Variants in RBFOX1 observed in about 807,000 individuals in gnomAD.
RBFOX1 encodes RNA binding protein fox-1 homolog 1.
Under a neutral mutation model 57.7 loss-of-function variants are expected in RBFOX1, and 8 were observed. The observed-to-expected ratio is 0.14, with a 90% CI of 0.08 to 0.25. The LOEUF is 0.25. RBFOX1 is among the 10% of genes least tolerant of loss of function. The pLI is 1.00. For synonymous variants in RBFOX1, 326 were observed against 222.4 expected (o/e 1.47, Z -4.15); for missense variants, 611 against 548.5 (o/e 1.11, Z -1.14).
At chr16:5,905,521 G>A (rs1010903209) in intron 4 of RBFOX1, among the ~76,000 whole-genome samples, 11 of 152,070 alleles carry the variant, frequency 7.2e-5, no homozygotes, top group Admixed American at 2.0e-4. Context: ...TGACCAGCTT[G>A]GAAAACATGT....
At chr16:7,188,878 T>A (rs186721465) in intron 4 of RBFOX1, among the ~76,000 whole-genome samples, 4 of 152,154 alleles carry the variant, frequency 2.6e-5, no homozygotes, top group African/African-American at 9.7e-5. Context: ...GAAAAAGGTT[T>A]AAGGAACAGA....
chr16:7,217,062 C>G (rs1487350819), intron 4 of RBFOX1, among the ~76,000 whole-genome samples: 1 of 89,248 alleles, frequency 1.1e-5, no homozygotes, highest in Non-Finnish European at 2.3e-5. Context: ...CCTCTCTCTC[C>G]CTCTCCTTTC....
rs538401570 is a variant in RBFOX1, at chr16:7,167,422, G to C, written c.27+115324G>C. Among the ~76,000 whole-genome samples the C allele has an allele frequency of 2.0e-4, 31 of 152,218 alleles. No homozygotes were observed. In the South Asian group the frequency reaches 6.4e-3, roughly 32 times the overall value. On this transcript the variant is annotated intron_variant, in intron 4 of 15. Transcript: ENST00000550418. ...GGAGATTTGAAAACACAGAGACTCA[G>C]AGGAGAAGGCCACGTGAAGACCAAA...
intron 3 of RBFOX1, among the ~76,000 whole-genome samples, chr16:5,771,661 G>C (rs2053981247): frequency 6.6e-6 from 1 of 152,162 alleles, no homozygotes; most frequent in South Asian, 2.1e-4. Flanking sequence ...CAACTGCTTC[G>C]GCCTCCCAGA....
At chr16:6,018,513 T>C (rs1481212262), upstream of RBFOX1, among the ~76,000 whole-genome samples, 2 of 151,714 alleles carry the variant, frequency 1.3e-5, no homozygotes, top group Non-Finnish European at 2.9e-5. Flanking sequence ...ATTGCGGGAG[T>C]AGGTGGCCAG....
At chr16:7,401,979 G>C (rs1179163523) in intron 4 of RBFOX1, among the ~76,000 whole-genome samples, 1 of 152,144 alleles carries the variant, frequency 6.6e-6, no homozygotes, top group Non-Finnish European at 1.5e-5. Flanking sequence ...CAAGCATGCA[G>C]CAGGTAGATG....
At chr16:6,144,251 G>A (rs932065879) in intron 1 of RBFOX1, among the ~76,000 whole-genome samples, 6 of 152,082 alleles carry the variant, frequency 3.9e-5, no homozygotes, top group African/African-American at 1.2e-4. Flanking sequence ...TTAATTTTCT[G>A]TTAATGATAA....
chr16:6,330,903 G>A (rs2082944008), intron 2 of RBFOX1, among the ~76,000 whole-genome samples: 2 of 152,096 alleles, frequency 1.3e-5, no homozygotes, highest in African/African-American at 4.8e-5. Flanking sequence ...GGTGGTTTTG[G>A]GGAATTAAAG....
At chr16:6,954,285 A>T (rs577946886) in intron 3 of RBFOX1, among the ~76,000 whole-genome samples, 1 of 152,270 alleles carries the variant, frequency 6.6e-6, no homozygotes, top group Admixed American at 6.5e-5. Context: ...TCATCTCGCC[A>T]ATTTTGACAG....
chr16:7,108,288 C>G (rs900387854), intron 4 of RBFOX1, among the ~76,000 whole-genome samples: 1 of 152,124 alleles, frequency 6.6e-6, no homozygotes, highest in African/African-American at 2.4e-5. Context: ...AACATATATG[C>G]TCACAATCTC....
rs556107176 is a variant in RBFOX1 at position 7,603,095 on chromosome 16, A to G, written c.623-4190A>G. Among the ~76,000 whole-genome samples, 3 of 152,356 alleles carry G rather than the reference A, an allele frequency of 2.0e-5. No homozygotes were observed. In the South Asian group the frequency reaches 6.2e-4, roughly 32 times the overall value. ...AAAAGCAGTGCTAATCAAAAAGTGT[A>G]TAGTAATAAACGCCTACATCAAAAA... On this transcript the variant is annotated intron_variant, in intron 9 of 15. Transcript: ENST00000550418.
intron 4 of RBFOX1, among the ~76,000 whole-genome samples, chr16:7,130,408 C>A (rs541477867): frequency 1.2e-4 from 19 of 152,228 alleles, no homozygotes; most frequent in Non-Finnish European, 2.1e-4. Context: ...ATTCTCTGAG[C>A]GTATTCACAT....
intron 2 of RBFOX1, among the ~76,000 whole-genome samples, chr16:6,400,888 C>G (rs1307437024): frequency 1.3e-5 from 2 of 152,124 alleles, no homozygotes; most frequent in East Asian, 3.9e-4. Context: ...GACTCTGTCT[C>G]AAACATACAC....
intron 2 of RBFOX1, among the ~76,000 whole-genome samples, chr16:6,580,362 A>T (rs2153972007): frequency 6.6e-6 from 1 of 152,332 alleles, no homozygotes; most frequent in South Asian, 2.1e-4. Context: ...TGGAGTCATA[A>T]CACACATTTG....
intron 1 of RBFOX1, among the ~76,000 whole-genome samples, chr16:6,061,546 T>G (rs1196998505): frequency 1.3e-5 from 2 of 151,598 alleles, no homozygotes; most frequent in Non-Finnish European, 2.9e-5. Flanking sequence ...ATGTAATTAT[T>G]AAATTATATG....
intron 4 of RBFOX1, among the ~76,000 whole-genome samples, chr16:7,509,422 GTGTGTGTGTC>G (rs1468319213): frequency 7.2e-6 from 1 of 139,534 alleles, no homozygotes. Context: ...GTGTGTGTGT[GTGTGTGTGTC>G]TGTGTCTGTG....
At chr16:5,386,008 T>G (rs150616218) in intron 1 of RBFOX1, among the ~76,000 whole-genome samples, 358 of 152,278 alleles carry the variant, frequency 2.4e-3, no homozygotes, top group Middle Eastern at 0.017. Flanking sequence ...ATGCCTCTTT[T>G]AAGCTTCTGC....
chr16:7,475,461 C>T (rs28366427), intron 4 of RBFOX1, among the ~76,000 whole-genome samples: 109 of 152,204 alleles, frequency 7.2e-4, no homozygotes, highest in African/African-American at 2.5e-3. Context: ...ACTGCAGGCG[C>T]ATGCCACCAC....
chr16:5,662,782 A>G (rs542140447), intron 3 of RBFOX1, among the ~76,000 whole-genome samples: 2 of 152,184 alleles, frequency 1.3e-5, no homozygotes, highest in Non-Finnish European at 2.9e-5. Context: ...AATCGGGTTC[A>G]CTGTTTAGTC....
Sources: gnomAD v4.1 joint callset for allele counts (sites outside exome capture counted in the v4.1 genomes callset) on GRCh38, gnomAD v4.1.1 for gene constraint, MANE v1.5 for transcripts, NCBI Gene and HGNC (gene_info 2026-07-23, HGNC 2026-07-21) for gene names.